The following NR3C1 variants were observed in gnomAD, a reference collection of about 807,000 sequenced individuals.
NR3C1 encodes glucocorticoid receptor.
Under a neutral mutation model 74.0 loss-of-function variants are expected in NR3C1, and 14 were observed. That is an observed-to-expected ratio of 0.19 (90% CI 0.12 to 0.30). The LOEUF is 0.30. Among genes scored for constraint, NR3C1 ranks in the 10% least tolerant of loss-of-function variants. The pLI is 1.00. For synonymous variants in NR3C1, 308 were observed against 332.5 expected (o/e 0.93, Z 0.80); for missense variants, 695 against 909.8 (o/e 0.76, Z 3.04).
intron 5 of NR3C1, among the ~76,000 whole-genome samples, chr5:143,299,799 T>G (rs1374030502): frequency 6.6e-6 from 1 of 152,216 alleles, no homozygotes. Flanking sequence ...AATCAATGAG[T>G]TAAGCAAAAC....
intron 2 of NR3C1, among the ~76,000 whole-genome samples, chr5:143,337,678 A>G (rs1337311794): frequency 1.3e-5 from 2 of 152,200 alleles, no homozygotes; most frequent in African/African-American, 4.8e-5. Flanking sequence ...GTACACTACA[A>G]CATGAATGAA....
At chr5:143,299,469 G>A (rs1422298280) in intron 5 of NR3C1, among the ~76,000 whole-genome samples, 1 of 152,158 alleles carries the variant, frequency 6.6e-6, no homozygotes, top group Non-Finnish European at 1.5e-5. Flanking sequence ...GTGGTGATGG[G>A]GATGAAGCGG....
At chr5:143,378,037 G>A (rs1390836086) in intron 2 of NR3C1, among the ~76,000 whole-genome samples, 1 of 152,030 alleles carries the variant, frequency 6.6e-6, no homozygotes, top group Non-Finnish European at 1.5e-5. Context: ...ATCAACTGAG[G>A]CCAGGAATGT....
At chr5:143,329,960 G>C (rs1425925493) in intron 2 of NR3C1, among the ~76,000 whole-genome samples, 1 of 152,132 alleles carries the variant, frequency 6.6e-6, no homozygotes, top group African/African-American at 2.4e-5. Context: ...TATGTACTCT[G>C]ATTTTCACAT....
At chr5:143,356,604 T>C (rs1020407441) in intron 2 of NR3C1, among the ~76,000 whole-genome samples, 1 of 152,116 alleles carries the variant, frequency 6.6e-6, no homozygotes, top group Non-Finnish European at 1.5e-5. Flanking sequence ...TTTTGGAGTT[T>C]TGGTTCCTGC....
At chr5:143,360,660 A>AT (rs1485340227) in intron 2 of NR3C1, among the ~76,000 whole-genome samples, 23 of 152,236 alleles carry the variant, frequency 1.5e-4, no homozygotes, top group Non-Finnish European at 2.8e-4. Flanking sequence ...TTAAACACCT[A>AT]ACCTTGATGC....
chr5:143,300,554 T>C lies in NR3C1; in HGVS notation c.1678A>G (p.Met560Val). The C allele has an allele frequency of 1.9e-6, 3 of 1,614,208 alleles. No homozygotes were observed. Among genetic ancestry groups the C allele is most frequent in the Non-Finnish European group, 2.5e-6 (3 of 1,180,018 alleles). ...CCTCCTAACATGTTGAGCGTAGTCA[T>C]GATCCTCCAAGTTGAGTCTGGAACA... ...SSVPDSTWRI[M>V]TTLNMLGGRQ... Residue 560 changes from methionine (M) to valine (V), a missense_variant, in exon 5 of 9, where the codon ATG becomes GTG. Around this residue, in one of 4 missense-constraint regions of NR3C1, gnomAD observed 133 missense variants for 287.9 expected, o/e 0.46. Coordinates refer to ENST00000394464, the MANE Select transcript of NR3C1 (RefSeq NM_000176.3). The surrounding 1 kb of genome is among the most constrained non-coding windows in gnomAD (Gnocchi z 5.2).
intron 8 of NR3C1, 95 bp from the exon 9 acceptor site, chr5:143,282,136 C>T: frequency 7.9e-7 from 1 of 1,271,604 alleles, no homozygotes; most frequent in South Asian, 1.2e-5. Flanking sequence ...ATTATCTGGC[C>T]TAGAATATAC....
chr5:143,384,874 C>T (rs1366075608), intron 2 of NR3C1, among the ~76,000 whole-genome samples: 2 of 152,242 alleles, frequency 1.3e-5, no homozygotes, highest in Non-Finnish European at 2.9e-5. Flanking sequence ...GGCAGTGCCC[C>T]AGTGGGGTCT....
rs139706450 is a variant in NR3C1 at position 143,365,620 on chromosome 5, G to T, written c.1184+34036C>A. Among the ~76,000 whole-genome samples the T allele has an allele frequency of 2.3e-4, 35 of 152,268 alleles. No homozygotes were observed. The East Asian group carries it at 6.8e-3, about 29-fold the overall frequency. On this transcript the variant is annotated intron_variant, in intron 2 of 8. Transcript: ENST00000394464. ...TTCCAATAGACAGAACAACTAGATA[G>T]AAATCTGCAAGGAAACAGATTTGAA... is the stretch of plus-strand genomic sequence containing the variant.
chr5:143,344,561 T>C (rs1345012094), intron 2 of NR3C1, among the ~76,000 whole-genome samples: 1 of 152,222 alleles, frequency 6.6e-6, no homozygotes, highest in East Asian at 1.9e-4. Context: ...AACATTGTTT[T>C]AACGTTGATG....
At chr5:143,315,949 T>C (rs1230697930) in intron 2 of NR3C1, among the ~76,000 whole-genome samples, 1 of 152,160 alleles carries the variant, frequency 6.6e-6, no homozygotes, top group Non-Finnish European at 1.5e-5. Flanking sequence ...ACCACCCTAA[T>C]TCTGGGAAAA....
chr5:143,348,275 T>C (rs2151769790), intron 2 of NR3C1, among the ~76,000 whole-genome samples: 1 of 152,306 alleles, frequency 6.6e-6, no homozygotes, highest in East Asian at 1.9e-4. Context: ...ACTCAGTGAA[T>C]GGGGCAGGTT....
At chr5:143,396,891 A>C (rs531199412) in intron 2 of NR3C1, among the ~76,000 whole-genome samples, 1 of 151,998 alleles carries the variant, frequency 6.6e-6, no homozygotes, top group South Asian at 2.1e-4. Context: ...ACAAGGCTGA[A>C]AATCAAATAA....
chr5:143,328,710 C>T (rs1825211942), intron 2 of NR3C1, among the ~76,000 whole-genome samples: 1 of 152,202 alleles, frequency 6.6e-6, no homozygotes, highest in Admixed American at 6.5e-5. Flanking sequence ...GCCAAATACC[C>T]TAAATCATCT....
rs181883973 is a variant in NR3C1 at position 143,417,375 on chromosome 5, G to A, written c.-13-16523C>T. On this transcript the variant is annotated intron_variant, in intron 1 of 8. Coordinates refer to the NR3C1 transcript ENST00000343796. ...CATCAGTGGCAGGGGAATATGGAGT[G>A]GGATGTCATTAGTTGGATTCAATAG... Among the ~76,000 whole-genome samples the A allele has an allele frequency of 1.7e-3, 264 of 152,158 alleles. 1 individual carries two copies. Among genetic ancestry groups the A allele is most frequent in the Admixed American group, 4.5e-3 (68 of 15,280 alleles).
intron 2 of NR3C1, among the ~76,000 whole-genome samples, chr5:143,386,516 T>A (rs1315798402): frequency 6.6e-6 from 1 of 152,150 alleles, no homozygotes; most frequent in Non-Finnish European, 1.5e-5. Context: ...TATAAGATAA[T>A]CCCATTCTTT....
At chr5:143,393,566 T>C (rs1018884131) in intron 2 of NR3C1, among the ~76,000 whole-genome samples, 6 of 152,098 alleles carry the variant, frequency 3.9e-5, no homozygotes, top group Non-Finnish European at 5.9e-5. Context: ...AAGCAAAATC[T>C]GCAATTTAAA....
chr5:143,433,330 G>A (rs1751927915), intron 1 of NR3C1, among the ~76,000 whole-genome samples: 1 of 91,800 alleles, frequency 1.1e-5, no homozygotes, highest in Non-Finnish European at 2.6e-5. Context: ...GGATACTGAG[G>A]ACTGGAGATC....
Sources: gnomAD v4.1 joint callset for allele counts (sites outside exome capture counted in the v4.1 genomes callset) on GRCh38, gnomAD v4.1.1 for gene constraint, gnomAD v4.1.1 regional missense constraint, Gnocchi (gnomAD v3.1) non-coding constraint, MANE v1.5 for transcripts, NCBI Gene and HGNC (gene_info 2026-07-23, HGNC 2026-07-21) for gene names.